Variants in ABCB4 observed in about 807,000 individuals in gnomAD.
The protein encoded by ABCB4 is ATP binding cassette subfamily B member 4, also known as phosphatidylcholine translocator ABCB4.
A neutral mutation model predicts 145.7 loss-of-function variants in ABCB4; 76 were observed. The ratio of observed to expected loss-of-function variants is 0.52; its 90% CI spans 0.43 to 0.63. ABCB4 has a LOEUF of 0.63. Among genes scored for constraint, ABCB4 ranks in the 30% least tolerant of loss-of-function variants. ABCB4 has a pLI of 0.00. For synonymous variants in ABCB4, 517 were observed against 566.8 expected, an observed-to-expected ratio of 0.91 and a Z score of 1.25; for missense variants, 1,234 against 1,553.1, an observed-to-expected ratio of 0.79 and a Z score of 3.45.
intron 12 of ABCB4, among the ~76,000 whole-genome samples, chr7:87,441,593 A>T (rs188637876): frequency 0.029 from 4,208 of 145,686 alleles, 85 homozygotes; most frequent in Non-Finnish European, 0.041. Context: ...TTTTTTTTTT[A>T]AATTTAGAGA....
intron 4 of ABCB4, among the ~76,000 whole-genome samples, chr7:87,456,657 G>C (rs1812118385): frequency 6.6e-6 from 1 of 152,120 alleles, no homozygotes; most frequent in African/African-American, 2.4e-5. Flanking sequence ...CCCAGTCTCA[G>C]GTATTCCTTC....
chr7:87,446,398 T>G (rs1171839281), intron 9 of ABCB4, among the ~76,000 whole-genome samples: 1 of 152,158 alleles, frequency 6.6e-6, no homozygotes, highest in African/African-American at 2.4e-5. Context: ...GATCCCAGTT[T>G]TGAAAGAAAA....
the ABCB4 span, among the ~76,000 whole-genome samples, chr7:87,391,128 G>A: frequency 7.2e-5 from 11 of 152,342 alleles, no homozygotes; most frequent in South Asian, 2.3e-3. Flanking sequence ...TCTGCCGCTA[G>A]GGCCTCTCCA....
intron 17 of ABCB4, 31 bp downstream of exon 17, chr7:87,423,875 T>C: frequency 6.2e-7 from 1 of 1,613,782 alleles, no homozygotes; most frequent in Non-Finnish European, 8.5e-7. Context: ...TTGATCTAAT[T>C]CAGGCTGTTA....
intron 8 of ABCB4, 151 bp from the exon 9 acceptor site, chr7:87,447,356 C>G: frequency 2.7e-6 from 2 of 740,164 alleles, no homozygotes; most frequent in South Asian, 3.6e-5. Context: ...GGGAATTGAA[C>G]TAATTCAGGA....
chr7:87,368,210 C>T, the ABCB4 span, among the ~76,000 whole-genome samples: 2 of 152,210 alleles, frequency 1.3e-5, no homozygotes, highest in East Asian at 1.9e-4. Context: ...GGCGTACTTT[C>T]TCACTCCATT....
At chr7:87,392,997 C>T in the ABCB4 span, 30 of 1,613,464 alleles carry the variant, frequency 1.9e-5, no homozygotes, top group Non-Finnish European at 2.4e-5. Flanking sequence ...TGGCTATTTA[C>T]GAGTCCAGGG....
chr7:87,366,716 T>C, the ABCB4 span, among the ~76,000 whole-genome samples: 11 of 152,196 alleles, frequency 7.2e-5, no homozygotes, highest in Non-Finnish European at 1.6e-4. Flanking sequence ...GCATACACAT[T>C]CAAATCTTTG....
the ABCB4 span, among the ~76,000 whole-genome samples, chr7:87,387,175 T>C: frequency 1.3e-5 from 2 of 152,026 alleles, no homozygotes; most frequent in South Asian, 2.1e-4. Context: ...TGGTACTAGA[T>C]AGTTGTTTTG....
the ABCB4 span, among the ~76,000 whole-genome samples, chr7:87,371,346 A>G: frequency 6.6e-6 from 1 of 152,202 alleles, no homozygotes; most frequent in Non-Finnish European, 1.5e-5. Context: ...TAATCTTTCC[A>G]TATTGGTACA....
intron 9 of ABCB4, among the ~76,000 whole-genome samples, chr7:87,445,422 A>G (rs572615152): frequency 1.4e-4 from 21 of 152,340 alleles, no homozygotes; most frequent in African/African-American, 4.8e-4. Context: ...ATAAAAAGTA[A>G]CAGTTTGCAC....
At position 87,467,337 on chromosome 7, in the gene ABCB4, CAAG is replaced by C. The variant is rs1271031592; in HGVS notation, c.136-4432_136-4430del. Among the ~76,000 whole-genome samples, 34 of 152,202 alleles carry C rather than the reference CAAG, an allele frequency of 2.2e-4. 1 individual carries two copies. Among genetic ancestry groups the C allele is most frequent in the Admixed American group, 2.2e-3 (34 of 15,280 alleles). ...CATAATGGTAAACGGATCAATTCAA[CAAG>C]AAGAACTAACTATCCTAAATATATA... is the stretch of plus-strand genomic sequence containing the variant. On this transcript the variant is annotated intron_variant, in intron 3 of 27. Coordinates refer to ENST00000649586, the MANE Select transcript of ABCB4 (RefSeq NM_000443.4).
intron 12 of ABCB4, among the ~76,000 whole-genome samples, chr7:87,442,655 TAC>T (rs910697959): frequency 1.3e-5 from 2 of 151,506 alleles, no homozygotes; most frequent in African/African-American, 2.4e-5. Context: ...AACACACACA[TAC>T]ACACACACAC....
At chr7:87,470,470 C>T (rs1351879193) in intron 3 of ABCB4, among the ~76,000 whole-genome samples, 1 of 152,158 alleles carries the variant, frequency 6.6e-6, no homozygotes, top group African/African-American at 2.4e-5. Flanking sequence ...GCAATCTACT[C>T]ATCTGACAAA....
At chr7:87,391,162 C>G in the ABCB4 span, among the ~76,000 whole-genome samples, 1 of 152,248 alleles carries the variant, frequency 6.6e-6, no homozygotes, top group Admixed American at 6.5e-5. Flanking sequence ...AGCATGGCAG[C>G]TGGCTTTCTT....
rs768975910 is a variant in ABCB4, at chr7:87,413,634, T to C, written c.2766A>G (p.Lys922=). The C allele has an allele frequency of 2.5e-6, 4 of 1,608,178 alleles. No individual in the cohort carries two copies. In the South Asian group the frequency reaches 4.4e-5, roughly 18 times the overall value. ...TTCATTACCTGTAAGGTCCATACAA[T>C]TTTTCAACATACATTGATTCAAATT... ...ERKFESMYVE[K]LYGPYRNSVQ... is the part of the protein sequence containing the mutation. Residue 922 remains lysine (K), a synonymous_variant, in exon 22 of 28, where the codon AAA becomes AAG. Transcript: ENST00000649586.
chr7:87,392,530 G>T, the ABCB4 span: 1 of 1,545,788 alleles, frequency 6.5e-7, no homozygotes, highest in Non-Finnish European at 8.9e-7. Flanking sequence ...GTTTTGCACA[G>T]TGTGTTATTG....
At chr7:87,448,344 A>G (rs970727261) in intron 8 of ABCB4, among the ~76,000 whole-genome samples, 4 of 152,160 alleles carry the variant, frequency 2.6e-5, no homozygotes, top group Non-Finnish European at 4.4e-5. Flanking sequence ...ATAAAACATG[A>G]GAATTCATTA....
At chr7:87,382,490 G>A in the ABCB4 span, 590 of 1,613,878 alleles carry the variant, frequency 3.7e-4, no homozygotes, top group Non-Finnish European at 4.5e-4. Flanking sequence ...TGCTTCACCC[G>A]GATACGTTTA....
Sources: allele counts gnomAD v4.1 joint callset (sites outside exome capture counted in the v4.1 genomes callset), GRCh38; gene constraint gnomAD v4.1.1; transcripts MANE v1.5; gene names NCBI Gene and HGNC (gene_info 2026-07-23, HGNC 2026-07-21).